The following EFCAB6 variants were observed in gnomAD, a reference collection of about 807,000 sequenced individuals.
EFCAB6 encodes EF-hand calcium-binding domain-containing protein 6.
Under a neutral mutation model 169.8 loss-of-function variants are expected in EFCAB6, and 156 were observed. That is an observed-to-expected ratio of 0.92 (90% CI 0.81 to 1.05). The LOEUF is 1.05. Among genes scored for constraint, EFCAB6 ranks in the 50% least tolerant of loss-of-function variants. The pLI is 0.00. For synonymous variants in EFCAB6, 698 were observed against 676.4 expected (o/e 1.03, Z -0.50); for missense variants, 1,800 against 1,829.1 (o/e 0.98, Z 0.29).
intron 6 of EFCAB6, among the ~76,000 whole-genome samples, chr22:43,742,999 C>T (rs970149461): frequency 2.6e-5 from 4 of 152,160 alleles, no homozygotes; most frequent in Admixed American, 1.3e-4. Flanking sequence ...TTCCAAAGTG[C>T]GGCTGCATAA....
At position 43,557,217 on chromosome 22, in the gene EFCAB6, C is replaced by A. The variant is rs2147092219; in HGVS notation, c.3421-2121G>T. Among the ~76,000 whole-genome samples the A allele has an allele frequency of 2.6e-5, 4 of 152,324 alleles. No individual in the cohort carries two copies. The Middle Eastern group carries it at 0.014, about 518-fold the overall frequency. ...CCACTTTTTGCCTTGGTTTCCTCATCTACCCAGGAGGAATAAGGGCTCCCC... is the reference window on the plus strand; with the variant it reads ...CCACTTTTTGCCTTGGTTTCCTCATATACCCAGGAGGAATAAGGGCTCCCC... On this transcript the variant is annotated intron_variant, in intron 26 of 31. Transcript: ENST00000262726.
chr22:43,768,385 T>C (rs1211223897), intron 4 of EFCAB6, among the ~76,000 whole-genome samples: 1 of 152,206 alleles, frequency 6.6e-6, no homozygotes, highest in East Asian at 1.9e-4. Context: ...GAAATTACCA[T>C]GAAATCTTTT....
chr22:43,621,306 T>C (rs879736538), intron 20 of EFCAB6, among the ~76,000 whole-genome samples: 8 of 152,058 alleles, frequency 5.3e-5, no homozygotes, highest in Non-Finnish European at 8.8e-5. Flanking sequence ...TTTGCCATGC[T>C]GACTAGGCTG....
chr22:43,708,090 A>G (rs1297069147), intron 10 of EFCAB6, among the ~76,000 whole-genome samples: 1 of 29,456 alleles, frequency 3.4e-5, no homozygotes, highest in East Asian at 2.5e-3. Context: ...AAAGAAAACT[A>G]AAAAAAAAAA....
chr22:43,764,835 C>T (rs1205602559), intron 5 of EFCAB6, among the ~76,000 whole-genome samples: 1 of 151,984 alleles, frequency 6.6e-6, no homozygotes, highest in Admixed American at 6.6e-5. Context: ...AAAAAGAGTC[C>T]CATGCTTTAT....
At chr22:43,584,598 G>C (rs1350097602) in intron 24 of EFCAB6, among the ~76,000 whole-genome samples, 2 of 152,072 alleles carry the variant, frequency 1.3e-5, no homozygotes, top group African/African-American at 2.4e-5. Context: ...CTTTCCAAGG[G>C]AAAAGACTTT....
Position 43,667,100 on chromosome 22 carries a change from C to T in EFCAB6, c.1983+4G>A. 6.2e-7 allele frequency: 1 copy of T among 1,612,334 alleles called. No homozygotes were observed. The highest frequency in any genetic ancestry group is 8.5e-7 in the Non-Finnish European group (1 of 1,179,352). Reference sequence around the variant, plus strand: ...TAGAAACAAAGAGAAACCCATTCTCCTACCTTCTTAAAGTCATGCACGTTA... The same window carrying T: ...TAGAAACAAAGAGAAACCCATTCTCTTACCTTCTTAAAGTCATGCACGTTA... On this transcript the variant is annotated splice_donor_region_variant and intron_variant, in intron 17 of 31. Transcript: ENST00000262726.
chr22:43,803,362 G>A (rs933206722), intron 2 of EFCAB6, among the ~76,000 whole-genome samples: 1 of 152,178 alleles, frequency 6.6e-6, no homozygotes, highest in African/African-American at 2.4e-5. Flanking sequence ...TCCCTGTTCA[G>A]AGCATCAAAT....
At chr22:43,784,676 T>TACACACAC (rs571679900) in intron 2 of EFCAB6, among the ~76,000 whole-genome samples, 6 of 63,130 alleles carry the variant, frequency 9.5e-5, no homozygotes, top group Non-Finnish European at 1.2e-4. Flanking sequence ...TATACATATA[T>TACACACAC]ACACACACAC....
At chr22:43,579,354 C>T (rs371373091) in intron 25 of EFCAB6, among the ~76,000 whole-genome samples, 38 of 151,448 alleles carry the variant, frequency 2.5e-4, no homozygotes, top group African/African-American at 9.2e-4. Flanking sequence ...ACGCAGGTAT[C>T]ATTCCCTACA....
intron 20 of EFCAB6, among the ~76,000 whole-genome samples, chr22:43,623,371 G>T (rs1276566864): frequency 6.6e-6 from 1 of 151,784 alleles, no homozygotes; most frequent in Non-Finnish European, 1.5e-5. Context: ...GGGAATCGAA[G>T]AAGTAGAAAA....
At chr22:43,793,706 A>ACTGTAGCCTAGAGAAATTCAGCATTG (rs140658648) in intron 2 of EFCAB6, among the ~76,000 whole-genome samples, 24,622 of 151,804 alleles carry the variant, frequency 0.16, 2,051 homozygotes, top group South Asian at 0.22. Context: ...GACTAACACT[A>ACTGTAGCCTAGAGAAATTCAGCATTG]CTCTGTGGGG....
rs1603366054 is a variant in EFCAB6 at position 43,782,254 on chromosome 22, T to A, written c.65A>T (p.His22Leu). ...RSHPHTRKFT[H>L]SRPHSSPCRV... ...ACACGGTGAAGAATGGGGTCTTGAATGTGTAAATTTTCGTGTGTGAGGATG... is the reference window on the plus strand; with the variant it reads ...ACACGGTGAAGAATGGGGTCTTGAAAGTGTAAATTTTCGTGTGTGAGGATG... The change falls in exon 3 of 32, where the codon CAT becomes CTT. Residue 22 changes from histidine to leucine, a missense_variant. Coordinates refer to ENST00000262726, the MANE Select transcript of EFCAB6 (RefSeq NM_022785.4). 6.2e-7 allele frequency: 1 copy of A among 1,614,126 alleles called. No individual in the cohort carries two copies. The highest frequency in any genetic ancestry group is 1.3e-5 in the African/African-American group (1 of 75,050).
At chr22:43,770,754 T>C (rs1393202663) in intron 4 of EFCAB6, among the ~76,000 whole-genome samples, 1 of 151,444 alleles carries the variant, frequency 6.6e-6, no homozygotes, top group Non-Finnish European at 1.5e-5. Flanking sequence ...AATATCAAAA[T>C]GTTTAAGAGA....
At chr22:43,799,706 T>A (rs975189854) in intron 2 of EFCAB6, among the ~76,000 whole-genome samples, 2 of 152,172 alleles carry the variant, frequency 1.3e-5, no homozygotes, top group African/African-American at 4.8e-5. Flanking sequence ...CACTCTCACC[T>A]GAAAACCAAA....
chr22:43,772,551 G>A (rs936631741), intron 4 of EFCAB6, among the ~76,000 whole-genome samples: 23 of 150,364 alleles, frequency 1.5e-4, no homozygotes, highest in Admixed American at 6.7e-5. Flanking sequence ...TGAGGCCAGA[G>A]AATTGCTTGA....
intron 28 of EFCAB6, 127 bp downstream of exon 28, chr22:43,540,000 C>G: frequency 9.7e-7 from 1 of 1,030,468 alleles, no homozygotes; most frequent in Non-Finnish European, 1.4e-6. Flanking sequence ...TGTGCCCCCA[C>G]CCCAGACTCA....
At chr22:43,641,613 T>C (rs1197907135) in intron 17 of EFCAB6, among the ~76,000 whole-genome samples, 2 of 107,308 alleles carry the variant, frequency 1.9e-5, no homozygotes, top group Admixed American at 1.0e-4. Context: ...CAAAACTCCA[T>C]CTCAAAAAAA....
chr22:43,714,249 A>C (rs914112068), intron 9 of EFCAB6, among the ~76,000 whole-genome samples: 1 of 152,178 alleles, frequency 6.6e-6, no homozygotes, highest in African/African-American at 2.4e-5. Context: ...AAAAGAATTA[A>C]ATCAACTTGA....
Sources: allele counts gnomAD v4.1 joint callset (sites outside exome capture counted in the v4.1 genomes callset), GRCh38; gene constraint gnomAD v4.1.1; transcripts MANE v1.5; gene names NCBI Gene and HGNC (gene_info 2026-07-23, HGNC 2026-07-21).